Variants in PRKDC observed in about 807,000 individuals in gnomAD.
PRKDC encodes protein kinase, DNA-activated, catalytic subunit.
A neutral mutation model predicts 486.9 loss-of-function variants in PRKDC; 82 were observed. The observed-to-expected ratio is 0.17, with a 90% CI of 0.14 to 0.20. PRKDC has a LOEUF of 0.20. Among genes scored for constraint, PRKDC ranks in the 10% least tolerant of loss-of-function variants. PRKDC has a pLI of 1.00. For synonymous variants in PRKDC, 1,895 were observed against 1,837.0 expected (o/e 1.03, Z -0.81); for missense variants, 4,504 against 5,038.2 (o/e 0.89, Z 3.21).
chr8:47,877,987 TCA>T (rs1430173599), intron 39 of PRKDC, 136 bp from the exon 40 acceptor site: 1 of 619,616 alleles, frequency 1.6e-6, no homozygotes, highest in African/African-American at 1.9e-5. Context: ...CACCAGAATT[TCA>T]CAGACTTAAC....
At chr8:47,793,675 A>T (rs1420137539) in intron 74 of PRKDC, among the ~76,000 whole-genome samples, 24 of 140,764 alleles carry the variant, frequency 1.7e-4, no homozygotes, top group Admixed American at 6.3e-4. Flanking sequence ...AAATTAATTT[A>T]AAAAAACTAA....
At chr8:47,817,239 C>T (rs1020875547) in intron 68 of PRKDC, among the ~76,000 whole-genome samples, 3 of 152,164 alleles carry the variant, frequency 2.0e-5, no homozygotes, top group African/African-American at 7.2e-5. Flanking sequence ...CAGCACCTCC[C>T]GACAGCAGCG....
chr8:47,835,997 G>A (rs2088013375), intron 58 of PRKDC, among the ~76,000 whole-genome samples: 1 of 152,082 alleles, frequency 6.6e-6, no homozygotes, highest in Non-Finnish European at 1.5e-5. Flanking sequence ...GGAACTCCTG[G>A]GCTCAACTGA....
At chr8:47,787,376 C>G (rs1351916538) in intron 76 of PRKDC, among the ~76,000 whole-genome samples, 1 of 152,174 alleles carries the variant, frequency 6.6e-6, no homozygotes, top group Non-Finnish European at 1.5e-5. Flanking sequence ...AAACAATTTT[C>G]AATTCTTAGA....
chr8:47,859,861 T>A, intron 45 of PRKDC, 102 bp from the exon 46 acceptor site: 1 of 1,209,282 alleles, frequency 8.3e-7, no homozygotes, highest in East Asian at 2.6e-5. Flanking sequence ...CACATTTTAA[T>A]CTAAGGTTTT....
chr8:47,838,000 G>A (rs1475803325), intron 56 of PRKDC, among the ~76,000 whole-genome samples: 1 of 152,094 alleles, frequency 6.6e-6, no homozygotes, highest in Admixed American at 6.5e-5. Context: ...GCTGGGCATG[G>A]TGGCACCCAC....
rs373126381 is a variant in PRKDC at position 47,858,979 on chromosome 8, C to T, written c.6215G>A (p.Arg2072Gln). 91 of 1,612,620 alleles carry T rather than the reference C, an allele frequency of 5.6e-5. No individual in the cohort carries two copies. Among genetic ancestry groups the T allele is most frequent in the Non-Finnish European group, 7.7e-5 (91 of 1,179,854 alleles). Reference protein sequence around the residue: ...ATGRFRRREQRDPTVHDDVLE... With the variant: ...ATGRFRRREQQDPTVHDDVLE... ...CACATCATCATGCACCGTGGGGTCCCGCTGCTCCTGCGAAAGGGAGGGCCC... is the reference window on the plus strand; with the variant it reads ...CACATCATCATGCACCGTGGGGTCCTGCTGCTCCTGCGAAAGGGAGGGCCC... Residue 2072 changes from arginine to glutamine, a missense_variant, in exon 47 of 86, where the codon CGG (arginine) becomes CAG (glutamine). This residue lies in a region of PRKDC where 1,592 missense variants were observed against 1,724.6 expected (regional missense o/e 0.92). Transcript: ENST00000314191.
In PRKDC at chr8:47,953,743, T is replaced by C. The variant is rs1178936585; in HGVS notation, c.622-24A>G. 4 of 1,596,062 alleles carry C rather than the reference T, an allele frequency of 2.5e-6. No individual in the cohort carries two copies. In the East Asian group the frequency reaches 6.7e-5, roughly 27 times the overall value. ...ATCTAAAAGAAAAGATTTAAGAAGA[T>C]GTCATTACAAGAGAAAAACACAACC... On this transcript the variant is annotated intron_variant, in intron 6 of 85. Coordinates refer to ENST00000314191, the MANE Select transcript of PRKDC (RefSeq NM_006904.7).
intron 25 of PRKDC, among the ~76,000 whole-genome samples, chr8:47,908,191 T>C (rs1440774206): frequency 1.3e-5 from 2 of 152,228 alleles, no homozygotes; most frequent in Admixed American, 6.5e-5. Flanking sequence ...ACACCAAACA[T>C]TGTTCATCTT....
At chr8:47,797,729 G>A (rs1420709820) in intron 73 of PRKDC, among the ~76,000 whole-genome samples, 1 of 152,186 alleles carries the variant, frequency 6.6e-6, no homozygotes, top group Non-Finnish European at 1.5e-5. Flanking sequence ...TGGGGCCAAG[G>A]GGCAGGTCAC....
chr8:47,954,110 ATATCT>A (rs1342839358), intron 5 of PRKDC, among the ~76,000 whole-genome samples, 191 bp from the exon 6 acceptor site: 1 of 152,194 alleles, frequency 6.6e-6, no homozygotes, highest in Non-Finnish European at 1.5e-5. Flanking sequence ...CATATTTGTC[ATATCT>A]TGTGAGTTTT....
chr8:47,823,966 G>C lies in PRKDC; in HGVS notation c.8814C>G (p.Val2938=). The C allele has an allele frequency of 2.5e-6, 4 of 1,613,266 alleles. No homozygotes were observed. The highest frequency in any genetic ancestry group is 3.4e-6 in the Non-Finnish European group (4 of 1,179,484). The change falls in exon 64 of 86, where the codon GTC becomes GTG. Residue 2938 remains valine (V), a synonymous_variant. Coordinates refer to ENST00000314191, the MANE Select transcript of PRKDC (RefSeq NM_006904.7). ...KLYRSIGEYD[V]LRGIFTSEIG... is the part of the protein sequence containing the mutation. The stretch of plus-strand genomic sequence containing the variant: ...TCTCACTGGTAAAAATCCCACGGAG[G>C]ACGTCGTATTCTCCAATTGATCTAT...
chr8:47,886,121 C>G lies in PRKDC; in HGVS notation c.4599G>C (p.Leu1533=). 1 of 1,609,228 alleles carries G rather than the reference C, an allele frequency of 6.2e-7. No individual in the cohort carries two copies. The highest frequency in any genetic ancestry group is 8.5e-7 in the Non-Finnish European group (1 of 1,178,166). Residue 1533 remains leucine, a synonymous_variant, in exon 36 of 86, where the codon CTG becomes CTC. Transcript: ENST00000314191. Reference sequence around the variant, plus strand: ...ACGCCGTGGACAGCACCGCTGGGTTCAGGAGAAGACTCACAAGGCGCTCAC... The same window carrying G: ...ACGCCGTGGACAGCACCGCTGGGTTGAGGAGAAGACTCACAAGGCGCTCAC... ...GLCERLVSLL[L]NPAVLSTASL... is the part of the protein sequence containing the mutation.
chr8:47,826,482 A>G (rs182864200), intron 63 of PRKDC, among the ~76,000 whole-genome samples, 174 bp downstream of exon 63: 1 of 152,370 alleles, frequency 6.6e-6, no homozygotes, highest in African/African-American at 2.4e-5. Flanking sequence ...TTGTTGTGGC[A>G]ACTGTTCTTG....
At chr8:47,892,054 G>A (rs565773740) in intron 31 of PRKDC, among the ~76,000 whole-genome samples, 2 of 152,100 alleles carry the variant, frequency 1.3e-5, no homozygotes, top group South Asian at 4.2e-4. Context: ...ATTTTTGGTA[G>A]ATACGGGATT....
At chr8:47,906,941 G>T (rs2089794167) in intron 25 of PRKDC, among the ~76,000 whole-genome samples, 1 of 151,352 alleles carries the variant, frequency 6.6e-6, no homozygotes, top group Non-Finnish European at 1.5e-5. Context: ...CCTCTATGAA[G>T]CAATTTTTAA....
At chr8:47,827,202 TAA>T (rs1224259620) in intron 62 of PRKDC, among the ~76,000 whole-genome samples, 19 of 150,766 alleles carry the variant, frequency 1.3e-4, no homozygotes, top group African/African-American at 4.4e-4. Context: ...AGCTAATGTA[TAA>T]AGAAATTTAT....
At chr8:47,936,558 A>C in intron 11 of PRKDC, 41 bp from the exon 12 acceptor site, 1 of 1,603,288 alleles carries the variant, frequency 6.2e-7, no homozygotes, top group Non-Finnish European at 8.5e-7. Flanking sequence ...CAATCTTATC[A>C]AGATCAAAAT....
chr8:47,849,792 A>G (rs553556821), intron 52 of PRKDC, among the ~76,000 whole-genome samples: 48 of 151,752 alleles, frequency 3.2e-4, no homozygotes, highest in African/African-American at 1.1e-3. Flanking sequence ...TGTCAGATCA[A>G]TGAAGATCAG....
Sources: gnomAD v4.1 joint callset for allele counts (sites outside exome capture counted in the v4.1 genomes callset) on GRCh38, gnomAD v4.1.1 for gene constraint, gnomAD v4.1.1 regional missense constraint, MANE v1.5 for transcripts, NCBI Gene and HGNC (gene_info 2026-07-23, HGNC 2026-07-21) for gene names.